Variants in SDC1 observed in about 807,000 individuals in gnomAD.
SDC1 encodes syndecan-1.
A neutral mutation model predicts 29.7 loss-of-function variants in SDC1; 14 were observed. The observed-to-expected ratio is 0.47, with a 90% CI of 0.31 to 0.74. The LOEUF (loss-of-function observed/expected upper bound fraction) is 0.74, where lower values mean the gene tolerates loss of function less well. Among genes scored for constraint, SDC1 ranks in the 30% least tolerant of loss-of-function variants. The pLI, the probability that SDC1 is intolerant of heterozygous loss-of-function variation, is 0.05. For missense variants in SDC1, 406 were observed against 400.3 expected (o/e 1.01, Z -0.12); for synonymous variants, 204 against 175.5 (o/e 1.16, Z -1.29).
chr2:20,204,394 G>A (rs1029345358), intron 2 of SDC1, 103 bp from the exon 3 acceptor site: 34 of 769,108 alleles, frequency 4.4e-5, no homozygotes, highest in Non-Finnish European at 7.2e-5. Context: ...CACCTGGGCT[G>A]GCCAAGCTCA....
intron 1 of SDC1, among the ~76,000 whole-genome samples, chr2:20,216,769 G>A (rs1333787239): frequency 2.0e-5 from 3 of 152,118 alleles, no homozygotes; most frequent in African/African-American, 4.8e-5. Flanking sequence ...AGTTGGCCAC[G>A]AGCTCCTCGG....
At chr2:20,215,837 C>T (rs1377766350) in intron 1 of SDC1, among the ~76,000 whole-genome samples, 1 of 152,164 alleles carries the variant, frequency 6.6e-6, no homozygotes, top group Non-Finnish European at 1.5e-5. Flanking sequence ...TCCACAACAC[C>T]TCTCCACTCC....
In SDC1 at chr2:20,224,018, A is replaced by C. The variant is rs1677908547; in HGVS notation, c.66+784T>G. Among the ~76,000 whole-genome samples the C allele has an allele frequency of 6.6e-6, 1 of 152,210 alleles. No individual in the cohort carries two copies. The highest frequency in any genetic ancestry group is 1.9e-4 in the East Asian group (1 of 5,146). On this transcript the variant is annotated intron_variant, in intron 1 of 4. Transcript: ENST00000254351. This position sits in a 1 kb window ranked among gnomAD's most constrained non-coding sequence, Gnocchi z 4.9. ...AAGCCGAGCCGGGGAGCGGGAGGCC[A>C]TTCCCGGGTCCCCTCGCGTGGAAGG...
intron 1 of SDC1, among the ~76,000 whole-genome samples, chr2:20,216,811 C>A (rs1489813288): frequency 2.0e-5 from 3 of 152,208 alleles, no homozygotes; most frequent in Non-Finnish European, 4.4e-5. Context: ...CTCCCCACAT[C>A]CCACCCTGGC....
In SDC1 at chr2:20,205,383, G is replaced by C. The variant is rs1677228963; in HGVS notation, c.108C>G (p.Gly36=). Residue 36 remains glycine, a synonymous_variant, in exon 2 of 5, where the codon GGC becomes GGG. Transcript: ENST00000254351. ...AGAAGTTGTCAGAGTCATCCCCAGAGCCATCTTGATCTTCAGGGGGCAAAT... is the reference window on the plus strand; with the variant it reads ...AGAAGTTGTCAGAGTCATCCCCAGACCCATCTTGATCTTCAGGGGGCAAAT... ...ATNLPPEDQD[G]SGDDSDNFSG... is the part of the protein sequence containing the mutation. The C allele has an allele frequency of 6.2e-7, 1 of 1,614,018 alleles. No individual in the cohort carries two copies.
At chr2:20,222,796 G>A (rs1015405022) in intron 1 of SDC1, among the ~76,000 whole-genome samples, 4 of 152,148 alleles carry the variant, frequency 2.6e-5, no homozygotes, top group Admixed American at 6.5e-5. Flanking sequence ...GGGATCCCAG[G>A]GCTCTGGAAT....
In SDC1 at chr2:20,202,043, G is replaced by A. The variant is rs1469588043; in HGVS notation, c.*723C>T. ...GCACACATGAGCGACAAACTCAAGAGACAACACACAAACTAAGCCTACATT... is the reference window on the plus strand; with the variant it reads ...GCACACATGAGCGACAAACTCAAGAAACAACACACAAACTAAGCCTACATT... On this transcript the variant is annotated 3_prime_UTR_variant, in exon 5 of 5. Transcript: ENST00000254351. 1 of 527,398 alleles carries A rather than the reference G, an allele frequency of 1.9e-6. No individual in the cohort carries two copies. The highest frequency in any genetic ancestry group is 3.3e-6 in the Non-Finnish European group (1 of 301,766). The allele number at this position is 527,398 out of a possible 1,614,324, so 32.7% of individuals were successfully genotyped here.
rs112823946 is a variant in SDC1, at chr2:20,203,805, C to G, written c.627+8G>C. On this transcript the variant is annotated splice_region_variant and intron_variant, in intron 3 of 4. Coordinates refer to ENST00000254351, the MANE Select transcript of SDC1 (RefSeq NM_002997.5). ...CTCAATTTCCCAAGGAATGCAGAGG[C>G]CACTCACCTGCTCCCCAGAGCCCTC... is the stretch of plus-strand genomic sequence containing the variant. The G allele has an allele frequency of 1.3e-6, 2 of 1,558,284 alleles. No homozygotes were observed. The highest frequency in any genetic ancestry group is 2.3e-5 in the South Asian group (2 of 86,526).
chr2:20,215,012 G>C (rs1252373605), intron 1 of SDC1, among the ~76,000 whole-genome samples: 1 of 152,238 alleles, frequency 6.6e-6, no homozygotes, highest in African/African-American at 2.4e-5. Context: ...AAGGCACACA[G>C]CCACTGAAGC....
intron 1 of SDC1, among the ~76,000 whole-genome samples, chr2:20,213,037 C>T (rs188167742): frequency 7.2e-4 from 110 of 152,298 alleles, no homozygotes; most frequent in African/African-American, 2.5e-3. Context: ...TGCCCTGCAC[C>T]GCACTGCCTG....
chr2:20,220,011 C>G (rs1349877935), intron 1 of SDC1, among the ~76,000 whole-genome samples: 1 of 152,242 alleles, frequency 6.6e-6, no homozygotes, highest in East Asian at 1.9e-4. Context: ...AGCTGGGCAC[C>G]ACCTGGGGTC....
At chr2:20,211,505 G>A (rs1216754660) in intron 1 of SDC1, among the ~76,000 whole-genome samples, 1 of 152,228 alleles carries the variant, frequency 6.6e-6, no homozygotes, top group Non-Finnish European at 1.5e-5. Context: ...CCTCCCCCAG[G>A]AGCTGAAGGC....
chr2:20,208,578 C>T (rs932031817), intron 1 of SDC1, among the ~76,000 whole-genome samples: 1 of 152,194 alleles, frequency 6.6e-6, no homozygotes, highest in African/African-American at 2.4e-5. Context: ...ACTTGGATTA[C>T]CAAGGTGCCA....
At chr2:20,214,193 G>A (rs542217582) in intron 1 of SDC1, among the ~76,000 whole-genome samples, 2 of 152,306 alleles carry the variant, frequency 1.3e-5, no homozygotes, top group Non-Finnish European at 2.9e-5. Context: ...CAGGAAAGGA[G>A]GAAGAAATTC....
rs1677023724 is a variant in SDC1 at position 20,201,964 on chromosome 2, C to T, written c.*802G>A. 3.0e-6 allele frequency: 1 copy of T among 329,344 alleles called. No individual in the cohort carries two copies. The highest frequency in any genetic ancestry group is 2.2e-5 in the African/African-American group (1 of 45,912). 20.4% of individuals were successfully genotyped at this position (329,344 alleles called of 1,614,324 possible). ...CCCACGGCAGCCTGGACTGGCCAGC[C>T]TGCCAACAGACCACCAGAAACGGGG... On this transcript the variant is annotated 3_prime_UTR_variant, in exon 5 of 5. Transcript: ENST00000254351.
At chr2:20,205,477 G>T in intron 1 of SDC1, 53 bp from the exon 2 acceptor site, 1 of 1,459,404 alleles carries the variant, frequency 6.9e-7, no homozygotes, top group Non-Finnish European at 9.6e-7. Flanking sequence ...GGTCTCTGCT[G>T]CTCCTGGGTC....
chr2:20,203,095 A>G lies in SDC1; in HGVS notation c.755T>C (p.Val252Ala). 1 of 1,599,614 alleles carries G rather than the reference A, an allele frequency of 6.3e-7. No individual in the cohort carries two copies. The change falls in exon 4 of 5, where the codon GTG becomes GCG. Residue 252 changes from valine to alanine, a missense_variant. Val to Ala is a moderately conservative substitution (Grantham distance 64). Transcript: ENST00000254351. Reference sequence around the variant, plus strand: ...CCTGAAAGAAAACTCACCTCCCAGCACCTCTTTCCTGTCCAGGAGGCCCTG... The same window carrying G: ...CCTGAAAGAAAACTCACCTCCCAGCGCCTCTTTCCTGTCCAGGAGGCCCTG... Reference protein sequence around the residue: ...ASQGLLDRKEVLGGVIAGGLV... With the variant: ...ASQGLLDRKEALGGVIAGGLV...
In SDC1 at chr2:20,202,778, T is replaced by G. The variant is rs1472915386; in HGVS notation, c.921A>C (p.Glu307Asp). The G allele has an allele frequency of 6.2e-7, 1 of 1,608,632 alleles. No individual in the cohort carries two copies. The highest frequency in any genetic ancestry group is 8.5e-7 in the Non-Finnish European group (1 of 1,177,432). The change falls in exon 5 of 5, where the codon GAA becomes GAC. Residue 307 changes from glutamate to aspartate, a missense_variant. By Grantham distance (45) the Glu-to-Asp change is conservative. Transcript: ENST00000254351. The stretch of plus-strand genomic sequence containing the variant: ...CATGGCTCCCGCGTCAGGCATAGAA[T>G]TCCTCCTGTTTGGTGGGCTTCTGGT... ...GAYQKPTKQE[E>D]FYA
intron 1 of SDC1, 70 bp from the exon 2 acceptor site, chr2:20,205,494 T>C (rs1474900583): frequency 5.4e-6 from 7 of 1,289,980 alleles, no homozygotes; most frequent in African/African-American, 1.5e-5. Flanking sequence ...GGTCCTCTCC[T>C]AGACAGCTGA....
Sources: allele counts gnomAD v4.1 joint callset (sites outside exome capture counted in the v4.1 genomes callset), GRCh38; gene constraint gnomAD v4.1.1; non-coding constraint Gnocchi (gnomAD v3.1); transcripts MANE v1.5; gene names NCBI Gene and HGNC (gene_info 2026-07-23, HGNC 2026-07-21).